Variants in TCN2 observed in about 807,000 individuals in gnomAD.
TCN2 encodes the protein transcobalamin-2.
TCN2 carries 34 observed loss-of-function variants against 48.6 expected under a neutral mutation model. That is an observed-to-expected ratio of 0.70 (90% CI 0.53 to 0.93). The LOEUF is 0.93. Among genes scored for constraint, TCN2 ranks in the 40% least tolerant of loss-of-function variants. TCN2 has a pLI of 0.00. For synonymous variants in TCN2, 283 were observed against 212.5 expected (o/e 1.33, Z -2.89); for missense variants, 652 against 526.1 (o/e 1.24, Z -2.34).
chr22:30,620,295 CAAAA>C (rs754698873), intron 7 of TCN2, among the ~76,000 whole-genome samples: 14 of 152,014 alleles, frequency 9.2e-5, no homozygotes, highest in East Asian at 1.9e-4. Context: ...CTACCACACA[CAAAA>C]AAAGTCCTTT....
Position 30,607,284 on chromosome 22 carries a change from A to T in TCN2, c.-48A>T. On this transcript the variant is annotated 5_prime_UTR_variant, in exon 1 of 9. Transcript: ENST00000215838. Reference sequence around the variant, plus strand: ...GGAGAGCCTCAGCAGGGCCAGCCCCAGGAGTCTTTCCCGATTCTTGCTCAC... The same window carrying T: ...GGAGAGCCTCAGCAGGGCCAGCCCCTGGAGTCTTTCCCGATTCTTGCTCAC... The T allele has an allele frequency of 6.2e-7, 1 of 1,609,748 alleles. No homozygotes were observed. Among genetic ancestry groups the T allele is most frequent in the Non-Finnish European group, 8.5e-7 (1 of 1,176,120 alleles).
intron 7 of TCN2, among the ~76,000 whole-genome samples, chr22:30,619,199 A>G (rs1368376050): frequency 3.9e-5 from 6 of 152,140 alleles, no homozygotes; most frequent in Non-Finnish European, 8.8e-5. Flanking sequence ...TTAGCCTCCC[A>G]GGTAGCTGGG....
intron 8 of TCN2, among the ~76,000 whole-genome samples, chr22:30,626,032 A>G (rs149612368): frequency 1.0e-3 from 159 of 152,292 alleles, no homozygotes; most frequent in African/African-American, 3.6e-3. Context: ...CAGAGGTTAA[A>G]TAACTTGTCC....
rs767468296 is a variant in TCN2, at chr22:30,612,984, G to C, written c.369G>C (p.Lys123Asn). ...ACTGTGAGTTTGTCAGGGGCCACAA[G>C]GGGGACAGGCTGGTCTCACAGCTCA... The part of the protein sequence containing the change: ...RANCEFVRGH[K>N]GDRLVSQLKW... Residue 123 changes from lysine (K) to asparagine (N), a missense_variant, in exon 3 of 9, where the codon AAG (lysine) becomes AAC (asparagine). Coordinates refer to ENST00000215838, the MANE Select transcript of TCN2 (RefSeq NM_000355.4). The C allele has an allele frequency of 6.2e-7, 1 of 1,614,078 alleles. No individual in the cohort carries two copies. The highest frequency in any genetic ancestry group is 1.1e-5 in the South Asian group (1 of 91,082).
intron 1 of TCN2, 67 bp downstream of exon 1, chr22:30,607,462 G>A (rs1282271822): frequency 5.1e-6 from 8 of 1,582,808 alleles, no homozygotes; most frequent in Non-Finnish European, 6.9e-6. Context: ...CTAGGGCATA[G>A]GATGAGGGAA....
At chr22:30,619,021 C>T in intron 7 of TCN2, among the ~76,000 whole-genome samples, 1 of 152,170 alleles carries the variant, frequency 6.6e-6, no homozygotes, top group African/African-American at 2.4e-5. Context: ...ATGTCTGCCT[C>T]AGCCTCCCAA....
chr22:30,618,865 G>A (rs1429998676), intron 7 of TCN2, among the ~76,000 whole-genome samples: 1 of 152,000 alleles, frequency 6.6e-6, no homozygotes, highest in Non-Finnish European at 1.5e-5. Context: ...TACCTCCCAG[G>A]TTCAAGCGAT....
chr22:30,623,174 A>C, intron 8 of TCN2, 91 bp downstream of exon 8: 2 of 1,278,506 alleles, frequency 1.6e-6, no homozygotes, highest in Non-Finnish European at 2.3e-6. Flanking sequence ...TTTCCCTAGC[A>C]CCCTCCTGGG....
At chr22:30,611,120 T>C in intron 2 of TCN2, 57 bp downstream of exon 2, 1 of 1,611,348 alleles carries the variant, frequency 6.2e-7, no homozygotes. Context: ...GATGGGAAAC[T>C]TGGGTACTAG....
intron 1 of TCN2, among the ~76,000 whole-genome samples, chr22:30,608,362 T>G (rs557508974): frequency 4.9e-4 from 74 of 152,204 alleles, no homozygotes; most frequent in Non-Finnish European, 9.3e-4. Context: ...TGAACTTAGT[T>G]TTTAGAACTT....
intron 8 of TCN2, among the ~76,000 whole-genome samples, chr22:30,623,699 AATATAT>A (rs67554337): frequency 8.6e-6 from 1 of 115,754 alleles, no homozygotes; most frequent in Non-Finnish European, 1.8e-5. Context: ...ATATATATGA[AATATAT>A]ATATATACAG....
rs2087757171 is a variant in TCN2 at position 30,623,947 on chromosome 22, CATATGTATACATATATACACACACATAT to C, written c.1222+888_1222+915del. Among the ~76,000 whole-genome samples the C allele has an allele frequency of 4.4e-4, 12 of 27,432 alleles. 3 individuals carry two copies. In the South Asian group the frequency reaches 6.8e-3, roughly 16 times the overall value. The allele number at this position is 27,432 out of a possible 152,430, so 18.0% of individuals were successfully genotyped here. A position where few individuals can be genotyped will look rare whatever the true frequency, so the allele number is the denominator to read the frequency against. On this transcript the variant is annotated intron_variant, in intron 8 of 8. Coordinates refer to ENST00000215838, the MANE Select transcript of TCN2 (RefSeq NM_000355.4). ...ATATGTATACATATATACACACACA[CATATGTATACATATATACACACACATAT>C]ATATGTATACATATATACACACATA...
chr22:30,615,193 A>G (rs1187554040), intron 4 of TCN2, 108 bp from the exon 5 acceptor site: 7 of 1,209,888 alleles, frequency 5.8e-6, no homozygotes, highest in African/African-American at 1.5e-5. Context: ...TTCTTCTCCA[A>G]GCCCTCCTGT....
At chr22:30,615,562 CG>C in intron 5 of TCN2, 38 bp from the exon 6 acceptor site, 1 of 1,613,878 alleles carries the variant, frequency 6.2e-7, no homozygotes, top group Non-Finnish European at 8.5e-7. Context: ...CCCTCCCTGC[CG>C]GCTGACTTCC....
intron 8 of TCN2, 77 bp downstream of exon 8, chr22:30,623,160 C>G: frequency 6.9e-7 from 1 of 1,448,536 alleles, no homozygotes. Flanking sequence ...CAACTCACCC[C>G]AGCTTTCCCT....
At chr22:30,620,977 C>T (rs2087688296) in intron 7 of TCN2, among the ~76,000 whole-genome samples, 3 of 151,520 alleles carry the variant, frequency 2.0e-5, no homozygotes, top group Non-Finnish European at 2.9e-5. Flanking sequence ...GCTAAAGTCA[C>T]CCCAAATAGG....
At chr22:30,608,871 T>C (rs2087492825) in intron 1 of TCN2, among the ~76,000 whole-genome samples, 1 of 152,184 alleles carries the variant, frequency 6.6e-6, no homozygotes, top group Non-Finnish European at 1.5e-5. Flanking sequence ...TCCATTAACC[T>C]GACCCCACAG....
intron 8 of TCN2, among the ~76,000 whole-genome samples, chr22:30,624,573 T>TA (rs2087775426): frequency 6.6e-6 from 1 of 151,984 alleles, no homozygotes; most frequent in Non-Finnish European, 1.5e-5. Context: ...AATTGAGGAA[T>TA]AAAAAATAGG....
chr22:30,613,113 A>G (rs1480360034), intron 3 of TCN2, 71 bp downstream of exon 3: 16 of 1,577,648 alleles, frequency 1.0e-5, no homozygotes, highest in Non-Finnish European at 1.3e-5. Flanking sequence ...CTCCAATGAG[A>G]ATCAGAACTT....
Sources: gnomAD v4.1 joint callset for allele counts (sites outside exome capture counted in the v4.1 genomes callset) on GRCh38, gnomAD v4.1.1 for gene constraint, MANE v1.5 for transcripts, NCBI Gene and HGNC (gene_info 2026-07-23, HGNC 2026-07-21) for gene names.